GREB1L: variants seen among roughly 807,000 people sequenced by gnomAD.
GREB1L encodes the protein GREB1 like retinoic acid receptor coactivator, also known as GREB1-like protein.
GREB1L carries 17 observed loss-of-function variants against 200.8 expected under a neutral mutation model. The ratio of observed to expected loss-of-function variants is 0.08; its 90% CI spans 0.06 to 0.13. The LOEUF (loss-of-function observed/expected upper bound fraction) is 0.13. Ranked by LOEUF, GREB1L falls within the 10% of genes least tolerant of loss-of-function variation. The pLI is 1.00. For synonymous variants in GREB1L, 789 were observed against 893.0 expected, an observed-to-expected ratio of 0.88 and a Z score of 2.08; for missense variants, 1,657 against 2,367.7, an observed-to-expected ratio of 0.70 and a Z score of 6.23.
chr18:21,456,693 G>A (rs2034779933), intron 15 of GREB1L, among the ~76,000 whole-genome samples: 1 of 152,102 alleles, frequency 6.6e-6, no homozygotes, highest in South Asian at 2.1e-4. Context: ...AAAATGACTT[G>A]TTGGAAATAT....
chr18:21,378,896 A>G (rs1284326938), intron 2 of GREB1L, among the ~76,000 whole-genome samples: 3 of 149,974 alleles, frequency 2.0e-5, no homozygotes, highest in Admixed American at 6.7e-5. Context: ...GGGGGACAGG[A>G]TCTTGCTCTG....
At chr18:21,406,842 ATTGC>A (rs1451094580) in intron 7 of GREB1L, among the ~76,000 whole-genome samples, 1 of 136,904 alleles carries the variant, frequency 7.3e-6, no homozygotes, top group Admixed American at 7.2e-5. Flanking sequence ...GTTACCACTT[ATTGC>A]TTGCATATTT....
rs139681330 is a variant in GREB1L, at chr18:21,350,979, GT to G, written c.-119-15047del. ...CATTCTTCTTCTCTGTTTTTTGGAG[GT>G]GGTGGTGGTGGGGGAGTTTGAGTTT... On this transcript the variant is annotated intron_variant, in intron 1 of 32. Coordinates refer to ENST00000424526, the MANE Select transcript of GREB1L (RefSeq NM_001142966.3). Among the ~76,000 whole-genome samples, 487 of 152,190 alleles carry G rather than the reference GT, an allele frequency of 3.2e-3. 1 individual carries two copies. Among genetic ancestry groups the G allele is most frequent in the African/African-American group, 0.011 (474 of 41,514 alleles).
intron 7 of GREB1L, among the ~76,000 whole-genome samples, chr18:21,406,675 C>G (rs545022516): frequency 1.3e-5 from 2 of 152,232 alleles, no homozygotes; most frequent in Middle Eastern, 3.4e-3. Context: ...TCTCCCTAAT[C>G]TTAATCTGCA....
intron 19 of GREB1L, among the ~76,000 whole-genome samples, chr18:21,491,721 A>AG (rs2036345889): frequency 6.6e-6 from 1 of 151,862 alleles, no homozygotes; most frequent in East Asian, 1.9e-4. Flanking sequence ...TCAAAAAAAA[A>AG]AAAAAATTGT....
At chr18:21,280,649 T>C (rs1182514364) in intron 1 of GREB1L, among the ~76,000 whole-genome samples, 4 of 152,176 alleles carry the variant, frequency 2.6e-5, no homozygotes, top group Non-Finnish European at 5.9e-5. Context: ...ATGAAATAAG[T>C]GTTTAAACAC....
chr18:21,491,181 C>T (rs1408584623), intron 19 of GREB1L, among the ~76,000 whole-genome samples: 1 of 152,170 alleles, frequency 6.6e-6, no homozygotes, highest in Non-Finnish European at 1.5e-5. Flanking sequence ...TGGAACTGAG[C>T]TAGCTACTGT....
chr18:21,253,498 G>A (rs181849961), intron 1 of GREB1L, among the ~76,000 whole-genome samples: 49 of 151,946 alleles, frequency 3.2e-4, no homozygotes, highest in Admixed American at 2.6e-3. Flanking sequence ...TGATCCACCC[G>A]CCTTGGCCTC....
intron 1 of GREB1L, among the ~76,000 whole-genome samples, chr18:21,272,575 A>T (rs1488990165): frequency 4.6e-5 from 7 of 152,210 alleles, no homozygotes; most frequent in Non-Finnish European, 8.8e-5. Flanking sequence ...TTTCCTCTTT[A>T]TCAACGGTTA....
intron 21 of GREB1L, among the ~76,000 whole-genome samples, chr18:21,497,821 CT>C (rs1555659431): frequency 4.3e-4 from 35 of 80,986 alleles, no homozygotes; most frequent in African/African-American, 1.0e-3. Flanking sequence ...ACCCCCCCCC[CT>C]TTTTTTTTTT....
chr18:21,439,480 C>A, intron 7 of GREB1L, 41 bp from the exon 8 acceptor site: 2 of 1,218,576 alleles, frequency 1.6e-6, no homozygotes, highest in South Asian at 2.6e-5. Flanking sequence ...AGTGCCCCGC[C>A]CAGCCTCTGT....
intron 1 of GREB1L, among the ~76,000 whole-genome samples, chr18:21,311,632 A>G (rs1386806074): frequency 3.0e-4 from 45 of 152,182 alleles, no homozygotes; most frequent in Non-Finnish European, 1.6e-4. Flanking sequence ...TAAAGATACT[A>G]TGCGCTGCAG....
chr18:21,492,898 C>T (rs2036396730), intron 19 of GREB1L, among the ~76,000 whole-genome samples: 1 of 152,164 alleles, frequency 6.6e-6, no homozygotes. Context: ...CTGCAGTGAG[C>T]TATGATCCCA....
chr18:21,366,902 C>CTG (rs1183388784), intron 2 of GREB1L, among the ~76,000 whole-genome samples: 1 of 152,194 alleles, frequency 6.6e-6, no homozygotes, highest in African/African-American at 2.4e-5. Flanking sequence ...CACGCAGATA[C>CTG]TGAAACCCAG....
rs2033766808 is a variant in GREB1L at position 21,439,455 on chromosome 18, A to G, written c.833-66A>G. ...AGTGTGAGGTCTATCAGATGGTTCC[A>G]GCATCCCAGAAAGCAGTGCCCCGCC... On this transcript the variant is annotated intron_variant, in intron 7 of 32. Transcript: ENST00000424526. 8.7e-5 allele frequency: 80 copies of G among 921,532 alleles called. 5 individuals carry two copies. The South Asian group carries it at 1.1e-3, about 13-fold the overall frequency. 57.1% of individuals were successfully genotyped at this position (921,532 alleles called of 1,614,324 possible).
chr18:21,452,598 T>G (rs553500322), intron 14 of GREB1L, among the ~76,000 whole-genome samples: 12 of 152,160 alleles, frequency 7.9e-5, no homozygotes, highest in Non-Finnish European at 1.3e-4. Context: ...TCCTGCTCCT[T>G]CACTTCCTGT....
At chr18:21,493,383 A>C (rs2036414889) in intron 19 of GREB1L, among the ~76,000 whole-genome samples, 1 of 152,152 alleles carries the variant, frequency 6.6e-6, no homozygotes, top group Non-Finnish European at 1.5e-5. Context: ...CCTTGAACTC[A>C]ATGATCACCC....
In GREB1L at chr18:21,426,371, G is replaced by A. The variant is rs116822286; in HGVS notation, c.833-13150G>A. On this transcript the variant is annotated intron_variant, in intron 7 of 32. Coordinates refer to ENST00000424526, the MANE Select transcript of GREB1L (RefSeq NM_001142966.3). Reference sequence around the variant, plus strand: ...CGCGCCCGGCCTTAGGTTAATTCTTGTATGTGGTATGAGGAAGAGGTTCAA... The same window carrying A: ...CGCGCCCGGCCTTAGGTTAATTCTTATATGTGGTATGAGGAAGAGGTTCAA... Among the ~76,000 whole-genome samples the A allele has an allele frequency of 8.6e-3, 1,303 of 152,112 alleles. 13 individuals are homozygous for A. Among genetic ancestry groups the A allele is most frequent in the African/African-American group, 0.028 (1,160 of 41,500 alleles).
At chr18:21,418,609 C>T (rs1331689271) in intron 7 of GREB1L, among the ~76,000 whole-genome samples, 1 of 152,054 alleles carries the variant, frequency 6.6e-6, no homozygotes, top group Non-Finnish European at 1.5e-5. Context: ...CTGTGACCTC[C>T]GCCTCCTGGG....
Sources: allele counts gnomAD v4.1 joint callset (sites outside exome capture counted in the v4.1 genomes callset), GRCh38; gene constraint gnomAD v4.1.1; transcripts MANE v1.5; gene names NCBI Gene and HGNC (gene_info 2026-07-23, HGNC 2026-07-21).